The following CTNNA3 variants were observed in gnomAD, a reference collection of about 807,000 sequenced individuals.
CTNNA3 encodes the protein catenin alpha-3.
In CTNNA3, 76 loss-of-function variants were observed where a neutral mutation model predicts 95.7. The ratio of observed to expected loss-of-function variants is 0.79; its 90% CI spans 0.66 to 0.96. CTNNA3 has a LOEUF of 0.96. CTNNA3 is among the 40% of genes least tolerant of loss of function. The pLI is 0.00. For synonymous variants in CTNNA3, 431 were observed against 374.4 expected, an observed-to-expected ratio of 1.15 and a Z score of -1.74; for missense variants, 1,191 against 1,089.8, an observed-to-expected ratio of 1.09 and a Z score of -1.31.
intron 7 of CTNNA3, among the ~76,000 whole-genome samples, chr10:66,823,817 C>A (rs1232237269): frequency 6.6e-6 from 1 of 152,120 alleles, no homozygotes; most frequent in African/African-American, 2.4e-5. Context: ...GACAGGCTAA[C>A]TGACAGACTC....
chr10:67,000,149 G>T lies in CTNNA3; in HGVS notation c.1047+180168C>A, dbSNP rs945892167. ...AAATATAGGGCCTTCCAGATGACTA[G>T]ATCTGGTTTCCTGAAGACAGCTTTT... On this transcript the variant is annotated intron_variant, in intron 7 of 17. Coordinates refer to ENST00000433211, the MANE Select transcript of CTNNA3 (RefSeq NM_013266.4). 3.3e-5 allele frequency among the ~76,000 whole-genome samples: 5 copies of T among 152,148 alleles called. 1 individual carries two copies. Among genetic ancestry groups the T allele is most frequent in the African/African-American group, 1.2e-4 (5 of 41,442 alleles).
At chr10:67,203,275 G>C (rs1019043773) in intron 6 of CTNNA3, among the ~76,000 whole-genome samples, 1 of 152,168 alleles carries the variant, frequency 6.6e-6, no homozygotes, top group African/African-American at 2.4e-5. Flanking sequence ...CACGAGATCT[G>C]ATGGTTTTAT....
At chr10:67,325,617 T>G (rs1430160093) in intron 5 of CTNNA3, among the ~76,000 whole-genome samples, 1 of 152,208 alleles carries the variant, frequency 6.6e-6, no homozygotes, top group Non-Finnish European at 1.5e-5. Context: ...ATTTCAGTTC[T>G]TTTGCATTTT....
At chr10:66,156,700 C>T (rs1375598391) in intron 13 of CTNNA3, among the ~76,000 whole-genome samples, 1 of 151,810 alleles carries the variant, frequency 6.6e-6, no homozygotes, top group Non-Finnish European at 1.5e-5. Flanking sequence ...GTGGTCTTGG[C>T]ATGGTCAAAG....
intron 7 of CTNNA3, among the ~76,000 whole-genome samples, chr10:66,857,613 A>G (rs1047230433): frequency 2.0e-5 from 3 of 151,900 alleles, no homozygotes; most frequent in Admixed American, 2.0e-4. Context: ...CTTATTGTAG[A>G]TATCTTTCGC....
intron 5 of CTNNA3, among the ~76,000 whole-genome samples, chr10:67,363,913 C>T (rs536025599): frequency 6.6e-6 from 1 of 152,256 alleles, no homozygotes; most frequent in South Asian, 2.1e-4. Context: ...GAGTTGGTAC[C>T]ATTCCTTCTG....
intron 9 of CTNNA3, among the ~76,000 whole-genome samples, chr10:66,632,681 A>G (rs1845186509): frequency 6.6e-6 from 1 of 151,964 alleles, no homozygotes; most frequent in Non-Finnish European, 1.5e-5. Context: ...CCTGCTCTCT[A>G]CTTTCAGGAG....
intron 10 of CTNNA3, among the ~76,000 whole-genome samples, chr10:66,533,006 A>G (rs1372957553): frequency 6.6e-6 from 1 of 152,128 alleles, no homozygotes; most frequent in Non-Finnish European, 1.5e-5. Flanking sequence ...ATTATCTCTC[A>G]GTGACAACTG....
At chr10:67,105,830 T>C (rs1031532849) in intron 7 of CTNNA3, among the ~76,000 whole-genome samples, 1 of 152,204 alleles carries the variant, frequency 6.6e-6, no homozygotes, top group African/African-American at 2.4e-5. Context: ...CAGAGAGGTC[T>C]AGGGAAAGAC....
intron 7 of CTNNA3, among the ~76,000 whole-genome samples, chr10:67,114,709 GGTGT>G (rs56772381): frequency 0.37 from 53,863 of 144,676 alleles, 9,918 homozygotes; most frequent in Middle Eastern, 0.56. Flanking sequence ...GGTTCTTAAA[GGTGT>G]GTGTGTGTGT....
intron 15 of CTNNA3, among the ~76,000 whole-genome samples, chr10:66,068,521 T>C (rs2080362116): frequency 6.6e-6 from 1 of 152,160 alleles, no homozygotes; most frequent in Non-Finnish European, 1.5e-5. Flanking sequence ...ATTTCATTAC[T>C]CCACCTGAAA....
intron 11 of CTNNA3, among the ~76,000 whole-genome samples, chr10:66,436,025 C>T (rs1475969753): frequency 6.6e-6 from 1 of 152,164 alleles, no homozygotes; most frequent in Admixed American, 6.5e-5. Context: ...TTTGATTGCA[C>T]TGTGGTCTGA....
At position 66,970,360 on chromosome 10, in the gene CTNNA3, T is replaced by G. The variant is rs10997459; in HGVS notation, c.1048-194836A>C. ...GGAAGTCATCCATATATTACCTGCA[T>G]ACACAGTCAGCTTCTTCTCGATATA... On this transcript the variant is annotated intron_variant, in intron 7 of 17. Coordinates refer to ENST00000433211, the MANE Select transcript of CTNNA3 (RefSeq NM_013266.4). 0.025 allele frequency among the ~76,000 whole-genome samples: 3,872 copies of G among 152,236 alleles called. 401 individuals are homozygous for G. In the East Asian group the frequency reaches 0.36, roughly 14 times the overall value.
chr10:66,244,741 A>C (rs1350492968), intron 13 of CTNNA3, among the ~76,000 whole-genome samples: 1 of 152,174 alleles, frequency 6.6e-6, no homozygotes, highest in Non-Finnish European at 1.5e-5. Flanking sequence ...AGTCATTTTT[A>C]ATATCTGAAA....
chr10:66,475,382 T>C (rs907559231), intron 11 of CTNNA3, among the ~76,000 whole-genome samples: 1 of 152,104 alleles, frequency 6.6e-6, no homozygotes, highest in African/African-American at 2.4e-5. Context: ...GTACATTTGT[T>C]TAAGTTTCGT....
At chr10:66,280,721 T>A in intron 12 of CTNNA3, 100 bp from the exon 13 acceptor site, 1 of 772,020 alleles carries the variant, frequency 1.3e-6, no homozygotes, top group Non-Finnish European at 2.0e-6. Context: ...AACAAATATT[T>A]GATTAATAGA....
At chr10:65,927,594 T>C (rs1248495593) in intron 17 of CTNNA3, among the ~76,000 whole-genome samples, 1 of 152,242 alleles carries the variant, frequency 6.6e-6, no homozygotes, top group Non-Finnish European at 1.5e-5. Context: ...TGGCATTACA[T>C]GTGTAAGCTT....
At chr10:66,542,707 G>C (rs940052697) in intron 10 of CTNNA3, among the ~76,000 whole-genome samples, 5 of 144,316 alleles carry the variant, frequency 3.5e-5, no homozygotes, top group African/African-American at 1.3e-4. Context: ...TTGGACACAG[G>C]AAGGGGAACA....
At chr10:66,735,332 C>T (rs991237582) in intron 9 of CTNNA3, among the ~76,000 whole-genome samples, 2 of 151,750 alleles carry the variant, frequency 1.3e-5, no homozygotes, top group Admixed American at 6.6e-5. Context: ...ACCCTAAATA[C>T]TTTGGGACCA....
Sources: gnomAD v4.1 joint callset for allele counts (sites outside exome capture counted in the v4.1 genomes callset) on GRCh38, gnomAD v4.1.1 for gene constraint, MANE v1.5 for transcripts, NCBI Gene and HGNC (gene_info 2026-07-23, HGNC 2026-07-21) for gene names.